Variants in TDRD3 observed in about 807,000 individuals in gnomAD.
TDRD3 encodes tudor domain-containing protein 3.
In TDRD3, 45 loss-of-function variants were observed where a neutral mutation model predicts 86.7. The observed-to-expected ratio is 0.52, with a 90% CI of 0.41 to 0.67. TDRD3 has a LOEUF of 0.67. TDRD3 is among the 30% of genes least tolerant of loss of function. The probability of loss-of-function intolerance (pLI) is 0.00; values close to 1 mark genes in which losing one functional copy is unlikely to be tolerated. For synonymous variants in TDRD3, 298 were observed against 301.7 expected (o/e 0.99, Z 0.13); for missense variants, 814 against 889.0 (o/e 0.92, Z 1.07).
chr13:60,553,431 G>A lies in TDRD3; in HGVS notation c.2119-14094G>A, dbSNP rs533926741. 4.6e-5 allele frequency among the ~76,000 whole-genome samples: 7 copies of A among 151,806 alleles called. No individual in the cohort carries two copies. The South Asian group carries it at 6.2e-4, about 14-fold the overall frequency. On this transcript the variant is annotated intron_variant, in intron 12 of 13. Transcript: ENST00000377881. ...CCGCCTGTTACCCAGTTCCAAAGTC[G>A]CTTCCACATTTTCAGGTTATCTTTT...
At chr13:60,546,693 T>TCATACCA (rs1957947211) in intron 12 of TDRD3, among the ~76,000 whole-genome samples, 1 of 152,170 alleles carries the variant, frequency 6.6e-6, no homozygotes, top group African/African-American at 2.4e-5. Context: ...GTAGATTTGG[T>TCATACCA]GTCTTGATTC....
rs368724185 is a variant in TDRD3, at chr13:60,456,844, C to T, written c.193-3536C>T. On this transcript the variant is annotated intron_variant, in intron 3 of 13. Coordinates refer to ENST00000377881, the MANE Select transcript of TDRD3 (RefSeq NM_001146070.2). ...CCAAGTAGCTGCGGCTACAAGCACA[C>T]ACCACCACGCTTGGCTAATTTTTGT... 7.3e-4 allele frequency among the ~76,000 whole-genome samples: 111 copies of T among 152,188 alleles called. 5 individuals are homozygous for T. The South Asian group carries it at 0.022, about 30-fold the overall frequency.
rs762013025 is a variant in TDRD3 at position 60,485,796 on chromosome 13, TAGA to T, written c.568_570del (p.Lys190del). The T allele has an allele frequency of 6.3e-7, 1 of 1,577,868 alleles. No homozygotes were observed. Among genetic ancestry groups the T allele is most frequent in the African/African-American group, 1.4e-5 (1 of 73,294 alleles). ...GTTGACTTATTCTTACTTGTTTTAC[TAGA>T]AGTGTGTATCTCATGTCCAAGTGGA... On this transcript the variant is annotated splice_acceptor_variant and coding_sequence_variant, in exon 7 of 14. Transcript: ENST00000377881. LOFTEE classifies it high-confidence loss of function.
chr13:60,517,652 C>T (rs558137799), intron 10 of TDRD3, among the ~76,000 whole-genome samples: 69 of 152,318 alleles, frequency 4.5e-4, no homozygotes, highest in Admixed American at 1.2e-3. Flanking sequence ...TCCTGTAAAG[C>T]TGATTCCTTT....
At chr13:60,568,896 T>A (rs147278005) in intron 13 of TDRD3, among the ~76,000 whole-genome samples, 5,454 of 152,298 alleles carry the variant, frequency 0.036, 365 homozygotes, top group African/African-American at 0.12. Flanking sequence ...TTCAGTAAAG[T>A]TGCAGGATAC....
chr13:60,441,518 G>A (rs1566193728), intron 2 of TDRD3, among the ~76,000 whole-genome samples: 2 of 152,062 alleles, frequency 1.3e-5, no homozygotes, highest in East Asian at 1.9e-4. Context: ...TTAGGGTGAA[G>A]CCTATACCAG....
chr13:60,461,242 G>A (rs1231896294), intron 4 of TDRD3, among the ~76,000 whole-genome samples: 1 of 152,016 alleles, frequency 6.6e-6, no homozygotes, highest in Non-Finnish European at 1.5e-5. Flanking sequence ...AGTTTTATAG[G>A]CTAATAAATT....
chr13:60,428,689 C>G (rs1370748463), intron 1 of TDRD3, among the ~76,000 whole-genome samples: 1 of 152,158 alleles, frequency 6.6e-6, no homozygotes, highest in Non-Finnish European at 1.5e-5. Flanking sequence ...TTGAGACATA[C>G]GTCCTCGTGC....
chr13:60,396,053 C>T (rs1953891376), upstream of TDRD3, among the ~76,000 whole-genome samples: 1 of 152,176 alleles, frequency 6.6e-6, no homozygotes, highest in Non-Finnish European at 1.5e-5. Context: ...TAGCTCCACC[C>T]AGGGCAATTA....
intron 1 of TDRD3, among the ~76,000 whole-genome samples, chr13:60,409,438 T>C (rs1376359405): frequency 6.6e-6 from 1 of 152,158 alleles, no homozygotes; most frequent in Non-Finnish European, 1.5e-5. Context: ...AACACCAGCC[T>C]GTGAAAGCAG....
At chr13:60,467,188 C>A in intron 4 of TDRD3, 50 bp from the exon 5 acceptor site, 2 of 1,602,886 alleles carry the variant, frequency 1.2e-6, no homozygotes, top group South Asian at 1.1e-5. Flanking sequence ...GCCCTGTGTC[C>A]ATGTGTTCTC....
rs552944456 is a variant in TDRD3, at chr13:60,538,744, A to G, written c.2118+3511A>G. Among the ~76,000 whole-genome samples the G allele has an allele frequency of 4.7e-4, 71 of 152,260 alleles. 1 individual carries two copies. The highest frequency in any genetic ancestry group is 1.7e-3 in the African/African-American group (69 of 41,574). On this transcript the variant is annotated intron_variant, in intron 12 of 13. Coordinates refer to ENST00000377881, the MANE Select transcript of TDRD3 (RefSeq NM_001146070.2). Reference sequence around the variant, plus strand: ...TAAACTCTAAAACGAATTCCAGGAAACCAGTAAAAAGATGCCACAGGCAAT... The same window carrying G: ...TAAACTCTAAAACGAATTCCAGGAAGCCAGTAAAAAGATGCCACAGGCAAT...
At chr13:60,448,050 G>A (rs1387393684) in intron 3 of TDRD3, among the ~76,000 whole-genome samples, 1 of 152,000 alleles carries the variant, frequency 6.6e-6, no homozygotes, top group Non-Finnish European at 1.5e-5. Context: ...GTGTAGAGAC[G>A]AGTCTTCAAA....
chr13:60,431,695 A>G (rs1954956589), intron 1 of TDRD3, among the ~76,000 whole-genome samples: 1 of 127,560 alleles, frequency 7.8e-6, no homozygotes, highest in Admixed American at 8.9e-5. Context: ...AAGCAAGACT[A>G]TCTTTACCAA....
chr13:60,568,835 T>C (rs1463488216), intron 13 of TDRD3, among the ~76,000 whole-genome samples: 1 of 152,196 alleles, frequency 6.6e-6, no homozygotes, highest in African/African-American at 2.4e-5. Context: ...TGATCTTATA[T>C]TTAGAAAAAC....
chr13:60,547,411 G>C, intron 12 of TDRD3: 1 of 985,296 alleles, frequency 1.0e-6, no homozygotes, highest in Non-Finnish European at 1.2e-6. Context: ...TCAGCTCCAG[G>C]GGAGCTGGAA....
chr13:60,491,527 A>G (rs902258043), intron 7 of TDRD3, among the ~76,000 whole-genome samples: 1 of 152,246 alleles, frequency 6.6e-6, no homozygotes, highest in Non-Finnish European at 1.5e-5. Context: ...GACCAGTAAC[A>G]GGATAAAAAC....
chr13:60,396,307 G>C (rs1458663652), upstream of TDRD3: 3 of 152,260 alleles, frequency 2.0e-5, no homozygotes, highest in Admixed American at 2.0e-4. Context: ...AGACCAAGAA[G>C]GTGGAGCAAA....
chr13:60,467,845 A>G (rs9528144), intron 5 of TDRD3, among the ~76,000 whole-genome samples: 60,922 of 151,976 alleles, frequency 0.4, 12,579 homozygotes, highest in South Asian at 0.54. Flanking sequence ...TATATTAACA[A>G]TATCTTCATC....
Sources: gnomAD v4.1 joint callset for allele counts (sites outside exome capture counted in the v4.1 genomes callset) on GRCh38, gnomAD v4.1.1 for gene constraint, MANE v1.5 for transcripts, NCBI Gene and HGNC (gene_info 2026-07-23, HGNC 2026-07-21) for gene names.